The following FOXN3 variants were observed in gnomAD, a reference collection of about 807,000 sequenced individuals.
FOXN3 encodes forkhead box protein N3.
Under a neutral mutation model 38.4 loss-of-function variants are expected in FOXN3, and 7 were observed. The ratio of observed to expected loss-of-function variants is 0.18; its 90% CI spans 0.10 to 0.34. FOXN3 has a LOEUF of 0.34. Ranked by LOEUF, FOXN3 falls within the 10% of genes least tolerant of loss-of-function variation. FOXN3 has a pLI of 1.00. For missense variants in FOXN3, 456 were observed against 613.4 expected (o/e 0.74, Z 2.71); for synonymous variants, 230 against 242.2 (o/e 0.95, Z 0.47).
At chr14:89,354,561 A>AAAG (rs1555420528) in intron 2 of FOXN3, among the ~76,000 whole-genome samples, 1 of 145,208 alleles carries the variant, frequency 6.9e-6, no homozygotes. Context: ...AAAAAAAAAA[A>AAAG]GAAAAGAAAT....
intron 4 of FOXN3, among the ~76,000 whole-genome samples, chr14:89,256,423 G>C (rs529078944): frequency 6.6e-6 from 1 of 152,170 alleles, no homozygotes; most frequent in Non-Finnish European, 1.5e-5. Context: ...CTACGGTCAC[G>C]CCACATTCCA....
At chr14:89,434,553 G>C (rs926614187) in intron 1 of FOXN3, among the ~76,000 whole-genome samples, 5 of 151,992 alleles carry the variant, frequency 3.3e-5, no homozygotes, top group African/African-American at 1.2e-4. Flanking sequence ...AAAACACAAA[G>C]GTTTTTTAAG....
At chr14:89,527,916 G>A (rs2139831014) in intron 1 of FOXN3, among the ~76,000 whole-genome samples, 1 of 152,072 alleles carries the variant, frequency 6.6e-6, no homozygotes, top group Non-Finnish European at 1.5e-5. Flanking sequence ...TGACCAGGTT[G>A]GTCTCGAACT....
chr14:89,277,553 A>G (rs1886336002), intron 4 of FOXN3, among the ~76,000 whole-genome samples: 2 of 152,296 alleles, frequency 1.3e-5, no homozygotes, highest in South Asian at 4.1e-4. Flanking sequence ...TATCCTCGAA[A>G]CCGAGAGGTG....
At chr14:89,275,454 C>G (rs771525817) in intron 4 of FOXN3, among the ~76,000 whole-genome samples, 10 of 152,182 alleles carry the variant, frequency 6.6e-5, no homozygotes, top group Admixed American at 2.0e-4. Context: ...AAATGAAGCG[C>G]TAGGTATGCC....
At chr14:89,297,324 A>G (rs1175127103) in intron 3 of FOXN3, among the ~76,000 whole-genome samples, 1 of 152,080 alleles carries the variant, frequency 6.6e-6, no homozygotes, top group Non-Finnish European at 1.5e-5. Context: ...ACACTTTGGG[A>G]AGCCGAGGCG....
rs144704423 is a variant in FOXN3, at chr14:89,500,612, C to T, written c.-14-88122G>A. Among the ~76,000 whole-genome samples the T allele has an allele frequency of 4.1e-3, 621 of 152,268 alleles. 6 individuals carry two copies. The highest frequency in any genetic ancestry group is 0.014 in the African/African-American group (589 of 41,554). On this transcript the variant is annotated intron_variant, in intron 1 of 6. Coordinates refer to the FOXN3 transcript ENST00000345097. ...GGGGTGTGCCCCTATCCAACAGCATCGGGGCTGGAAAAAGGGACAGGGAAA... is the reference window on the plus strand; with the variant it reads ...GGGGTGTGCCCCTATCCAACAGCATTGGGGCTGGAAAAAGGGACAGGGAAA...
At chr14:89,269,113 C>T (rs550861919) in intron 4 of FOXN3, among the ~76,000 whole-genome samples, 1 of 152,334 alleles carries the variant, frequency 6.6e-6, no homozygotes, top group East Asian at 1.9e-4. Context: ...ACGTTGGGAG[C>T]ATCTCTACTG....
At chr14:89,217,630 C>T (rs529516751) in intron 4 of FOXN3, among the ~76,000 whole-genome samples, 3 of 152,312 alleles carry the variant, frequency 2.0e-5, no homozygotes, top group East Asian at 3.9e-4. Flanking sequence ...GGACCATGCA[C>T]CCTAGTTCAT....
chr14:89,322,077 G>A (rs1887913124), intron 3 of FOXN3, among the ~76,000 whole-genome samples: 1 of 152,230 alleles, frequency 6.6e-6, no homozygotes, highest in South Asian at 2.1e-4. Context: ...GGGTGCCAGG[G>A]CCACAGTTGC....
chr14:89,312,316 C>T (rs1389025212), intron 3 of FOXN3, among the ~76,000 whole-genome samples: 2 of 109,644 alleles, frequency 1.8e-5, no homozygotes, highest in African/African-American at 3.7e-5. Flanking sequence ...CCAAGGCCCT[C>T]GGACTAAAAA....
At chr14:89,272,852 CA>C (rs201555137) in intron 4 of FOXN3, among the ~76,000 whole-genome samples, 14 of 150,706 alleles carry the variant, frequency 9.3e-5, no homozygotes, top group South Asian at 6.3e-4. Context: ...GACTCTGTCT[CA>C]AAAAAAAATT....
chr14:89,168,327 T>C (rs1281587582), intron 5 of FOXN3, among the ~76,000 whole-genome samples: 1 of 152,086 alleles, frequency 6.6e-6, no homozygotes, highest in African/African-American at 2.4e-5. Context: ...ATAAAACATA[T>C]AATCCTGGAA....
chr14:89,199,419 G>C (rs17125514), intron 4 of FOXN3, among the ~76,000 whole-genome samples: 33,403 of 152,062 alleles, frequency 0.22, 4,442 homozygotes, highest in African/African-American at 0.37. Flanking sequence ...ACACCAAGAG[G>C]GGCCTTTCTT....
chr14:89,280,244 C>G (rs895145815), intron 4 of FOXN3, among the ~76,000 whole-genome samples: 1 of 152,200 alleles, frequency 6.6e-6, no homozygotes, highest in Non-Finnish European at 1.5e-5. Flanking sequence ...AAATGAACCT[C>G]TTTGCTATTT....
chr14:89,185,412 CAT>C (rs992129674), intron 4 of FOXN3: 2 of 152,250 alleles, frequency 1.3e-5, no homozygotes, highest in African/African-American at 4.8e-5. Flanking sequence ...TCGGTGGGAA[CAT>C]GAGTCCATTC....
At chr14:89,224,219 A>G (rs1884558877) in intron 4 of FOXN3, among the ~76,000 whole-genome samples, 1 of 152,216 alleles carries the variant, frequency 6.6e-6, no homozygotes, top group Admixed American at 6.5e-5. Context: ...CAGGCAATTG[A>G]GTACTTATAA....
At chr14:89,318,145 T>G (rs542967040) in intron 3 of FOXN3, among the ~76,000 whole-genome samples, 1 of 137,794 alleles carries the variant, frequency 7.3e-6, no homozygotes, top group Non-Finnish European at 1.5e-5. Flanking sequence ...TTTTCTTTTC[T>G]TTCTTCTTCT....
chr14:89,526,629 T>G (rs1894437900), intron 1 of FOXN3, among the ~76,000 whole-genome samples: 1 of 152,198 alleles, frequency 6.6e-6, no homozygotes, highest in African/African-American at 2.4e-5. Flanking sequence ...AGCAATATAC[T>G]ATGTTCATGG....
Sources: allele counts gnomAD v4.1 joint callset (sites outside exome capture counted in the v4.1 genomes callset), GRCh38; gene constraint gnomAD v4.1.1; transcripts MANE v1.5; gene names NCBI Gene and HGNC (gene_info 2026-07-23, HGNC 2026-07-21).